SCFD2: variants seen among roughly 807,000 people sequenced by gnomAD.
The protein encoded by SCFD2 is sec1 family domain-containing protein 2.
A neutral mutation model predicts 58.9 loss-of-function variants in SCFD2; 54 were observed. The observed-to-expected ratio is 0.92, with a 90% CI of 0.74 to 1.15. The LOEUF is 1.15. Among genes scored for constraint, SCFD2 ranks in the 50% most tolerant of loss-of-function variants. SCFD2 has a pLI of 0.00. For missense variants in SCFD2, 805 were observed against 836.6 expected, an observed-to-expected ratio of 0.96 and a Z score of 0.47; for synonymous variants, 321 against 335.9, an observed-to-expected ratio of 0.96 and a Z score of 0.49.
intron 2 of SCFD2, among the ~76,000 whole-genome samples, chr4:53,338,107 C>T (rs1389506716): frequency 1.3e-5 from 2 of 152,204 alleles, no homozygotes; most frequent in East Asian, 3.8e-4. Flanking sequence ...CAGAATGAAC[C>T]AGCCTTGCTG....
chr4:53,168,698 A>C (rs1727086689), intron 4 of SCFD2, among the ~76,000 whole-genome samples: 1 of 152,236 alleles, frequency 6.6e-6, no homozygotes, highest in South Asian at 2.1e-4. Flanking sequence ...AAATTATTAA[A>C]TCAAGTTAGC....
chr4:52,920,633 T>A, intron 6 of SCFD2, 92 bp downstream of exon 6: 1 of 893,870 alleles, frequency 1.1e-6, no homozygotes, highest in East Asian at 2.9e-5. Context: ...CCTTTGGTTT[T>A]AGGAAGGTTA....
chr4:53,259,087 T>C (rs184481497), intron 4 of SCFD2, among the ~76,000 whole-genome samples: 148 of 151,934 alleles, frequency 9.7e-4, no homozygotes, highest in African/African-American at 3.4e-3. Flanking sequence ...TTCTGCTGAT[T>C]TGTTTGAATT....
intron 5 of SCFD2, among the ~76,000 whole-genome samples, chr4:52,995,693 T>G (rs1418996982): frequency 6.6e-6 from 1 of 152,190 alleles, no homozygotes; most frequent in Admixed American, 6.5e-5. Flanking sequence ...AAACCTTTCC[T>G]GACACCATCA....
At chr4:53,156,663 G>A (rs1345453555) in intron 4 of SCFD2, among the ~76,000 whole-genome samples, 4 of 152,116 alleles carry the variant, frequency 2.6e-5, no homozygotes, top group South Asian at 2.1e-4. Flanking sequence ...GAGCCACTGC[G>A]CTCCAGCTTG....
At chr4:53,267,842 G>T (rs1731037072) in intron 4 of SCFD2, among the ~76,000 whole-genome samples, 1 of 152,054 alleles carries the variant, frequency 6.6e-6, no homozygotes, top group African/African-American at 2.4e-5. Flanking sequence ...TGGAACAAAA[G>T]ATTCCAAAAA....
At chr4:53,232,728 T>C (rs1205834144) in intron 4 of SCFD2, among the ~76,000 whole-genome samples, 1 of 152,182 alleles carries the variant, frequency 6.6e-6, no homozygotes, top group Admixed American at 6.6e-5. Context: ...AGTATGTCCA[T>C]CTTTAGGAGA....
intron 5 of SCFD2, among the ~76,000 whole-genome samples, chr4:52,938,477 T>A (rs763388995): frequency 2.0e-5 from 3 of 152,178 alleles, no homozygotes; most frequent in African/African-American, 7.2e-5. Context: ...AGGAGAAAGA[T>A]CAGTTTAAAT....
chr4:53,283,066 T>C (rs1022947401), intron 3 of SCFD2, among the ~76,000 whole-genome samples: 10 of 152,306 alleles, frequency 6.6e-5, no homozygotes, highest in Middle Eastern at 3.4e-3. Context: ...ATCTTAAATA[T>C]ACGGTTCAAA....
intron 5 of SCFD2, among the ~76,000 whole-genome samples, chr4:52,967,941 T>C (rs2109547810): frequency 6.6e-6 from 1 of 152,344 alleles, no homozygotes; most frequent in Non-Finnish European, 1.5e-5. Context: ...CTCTCAGTTA[T>C]TAATATTTTT....
At chr4:53,296,092 A>T (rs1381542692) in intron 3 of SCFD2, among the ~76,000 whole-genome samples, 1 of 152,102 alleles carries the variant, frequency 6.6e-6, no homozygotes, top group African/African-American at 2.4e-5. Context: ...ATTGGCTTAA[A>T]ATTTTCTTTT....
At chr4:52,916,029 T>G (rs922816035) in intron 6 of SCFD2, among the ~76,000 whole-genome samples, 13 of 152,222 alleles carry the variant, frequency 8.5e-5, no homozygotes, top group African/African-American at 3.1e-4. Context: ...AAGTACAGTA[T>G]GTGTCTGTGG....
intron 5 of SCFD2, among the ~76,000 whole-genome samples, chr4:52,936,188 G>A (rs1273018974): frequency 6.6e-6 from 1 of 152,110 alleles, no homozygotes; most frequent in African/African-American, 2.4e-5. Context: ...TGGCTGGTGG[G>A]GAGGAAGGCC....
rs2109460345 is a variant in SCFD2 at position 52,897,881 on chromosome 4, T to C, written c.1842+9576A>G. Among the ~76,000 whole-genome samples, 2 of 152,340 alleles carry C rather than the reference T, an allele frequency of 1.3e-5. 1 individual carries two copies. The highest frequency in any genetic ancestry group is 6.8e-3 in the Middle Eastern group (2 of 294). On this transcript the variant is annotated intron_variant, in intron 7 of 8. Transcript: ENST00000401642. Reference sequence around the variant, plus strand: ...ATTCAACTTCTTCCTGGTTTAGTCTTGGGAGAGTGTATGTGTCGAGGAATT... The same window carrying C: ...ATTCAACTTCTTCCTGGTTTAGTCTCGGGAGAGTGTATGTGTCGAGGAATT...
intron 5 of SCFD2, among the ~76,000 whole-genome samples, chr4:52,934,217 A>C (rs933368257): frequency 6.6e-6 from 1 of 152,186 alleles, no homozygotes; most frequent in Non-Finnish European, 1.5e-5. Context: ...TACTGCATCA[A>C]GTGCTTGCCT....
Position 53,258,538 on chromosome 4 carries a change from G to GTATATATA in SCFD2, c.1311+15280_1311+15287dup, listed in dbSNP as rs59321045. Among the ~76,000 whole-genome samples the GTATATATA allele has an allele frequency of 5.7e-3, 680 of 119,470 alleles. 8 individuals are homozygous for GTATATATA. The highest frequency in any genetic ancestry group is 6.5e-3 in the South Asian group (23 of 3,556). The allele number at this position is 119,470 out of a possible 152,430, so 78.4% of individuals were successfully genotyped here. Reference sequence around the variant, plus strand: ...CTAAGTCGTATTCCATGGTGTGTGTGTATATATATATATATATATATATAT... The same window carrying GTATATATA: ...CTAAGTCGTATTCCATGGTGTGTGTGTATATATATATATATATATATATATATATATAT... On this transcript the variant is annotated intron_variant, in intron 4 of 8. Coordinates refer to ENST00000401642, the MANE Select transcript of SCFD2 (RefSeq NM_152540.4).
intron 4 of SCFD2, among the ~76,000 whole-genome samples, chr4:53,270,348 T>C (rs538864174): frequency 1.3e-4 from 20 of 152,200 alleles, no homozygotes; most frequent in African/African-American, 4.1e-4. Context: ...AAACTAGGAT[T>C]AGGAAGAAAC....
At chr4:52,879,641 G>A (rs919941105) in intron 8 of SCFD2, among the ~76,000 whole-genome samples, 1 of 152,190 alleles carries the variant, frequency 6.6e-6, no homozygotes, top group African/African-American at 2.4e-5. Context: ...GGGGATGTTC[G>A]GTCTTTGTTC....
At chr4:53,320,313 A>G (rs1732988328) in intron 2 of SCFD2, among the ~76,000 whole-genome samples, 1 of 152,190 alleles carries the variant, frequency 6.6e-6, no homozygotes, top group African/African-American at 2.4e-5. Flanking sequence ...GTCCCCAACA[A>G]GCTATATTTA....
Sources: allele counts gnomAD v4.1 joint callset (sites outside exome capture counted in the v4.1 genomes callset), GRCh38; gene constraint gnomAD v4.1.1; transcripts MANE v1.5; gene names NCBI Gene and HGNC (gene_info 2026-07-23, HGNC 2026-07-21).